JPH1: variants seen among roughly 807,000 people sequenced by gnomAD.
The protein encoded by JPH1 is junctophilin 1.
In JPH1, 12 loss-of-function variants were observed where a neutral mutation model predicts 53.6. The ratio of observed to expected loss-of-function variants is 0.22; its 90% CI spans 0.14 to 0.36. The LOEUF is 0.36. Among genes scored for constraint, JPH1 ranks in the 10% least tolerant of loss-of-function variants. The pLI, the probability that JPH1 is intolerant of heterozygous loss-of-function variation, is 1.00. For missense variants in JPH1, 808 were observed against 905.5 expected (o/e 0.89, Z 1.38); for synonymous variants, 375 against 363.8 (o/e 1.03, Z -0.35).
chr8:74,280,907 G>A (rs1459416264), intron 2 of JPH1, among the ~76,000 whole-genome samples: 1 of 152,150 alleles, frequency 6.6e-6, no homozygotes, highest in African/African-American at 2.4e-5. Context: ...AGTTCTGCAA[G>A]GTTATTATTC....
intron 2 of JPH1, among the ~76,000 whole-genome samples, chr8:74,261,291 C>T (rs28401531): frequency 0.07 from 10,581 of 152,110 alleles, 930 homozygotes; most frequent in African/African-American, 0.2. Context: ...ACACCAAACG[C>T]ACCTCAAAAT....
intron 2 of JPH1, among the ~76,000 whole-genome samples, chr8:74,305,392 T>C (rs574796747): frequency 6.6e-6 from 1 of 152,348 alleles, no homozygotes; most frequent in African/African-American, 2.4e-5. Flanking sequence ...ATACAAAGCA[T>C]ACAGGATAAA....
rs757273194 is a variant in JPH1 at position 74,315,505 on chromosome 8, C to G, written c.495G>C (p.Ser165=). ...IRSPLRTSLA[S]LRSEQSNGSV... is the part of the protein sequence containing the mutation. ...TGCCATTGCTCTGCTCGCTGCGCAG[C>G]GAGGCCAGCGAGGTACGCAGCGGTG... Residue 165 remains serine (S), a synonymous_variant, in exon 2 of 6, where the codon TCG becomes TCC. Transcript: ENST00000342232. The surrounding 1 kb of genome is among the most constrained non-coding windows in gnomAD (Gnocchi z 6.3). The G allele has an allele frequency of 6.2e-7, 1 of 1,605,076 alleles. No homozygotes were observed. The highest frequency in any genetic ancestry group is 8.5e-7 in the Non-Finnish European group (1 of 1,176,910).
chr8:74,284,001 T>C (rs1807090362), intron 2 of JPH1, among the ~76,000 whole-genome samples: 1 of 152,154 alleles, frequency 6.6e-6, no homozygotes, highest in Non-Finnish European at 1.5e-5. Flanking sequence ...ACCCAGGAGA[T>C]TCAAGGGGTG....
Position 74,245,157 on chromosome 8 carries a change from T to C in JPH1, c.1277A>G (p.Gln426Arg), listed in dbSNP as rs1350752917. The C allele has an allele frequency of 2.4e-5, 38 of 1,590,920 alleles. No homozygotes were observed. The highest frequency in any genetic ancestry group is 3.2e-5 in the Non-Finnish European group (37 of 1,173,672). Residue 426 changes from glutamine (Q) to arginine (R), a missense_variant, in exon 4 of 6, where the codon CAG becomes CGG. This residue lies in a region of JPH1 where 756 missense variants were observed against 811.9 expected (regional missense o/e 0.93). Transcript: ENST00000342232. The part of the protein sequence containing the change: ...FYQPGPDYVK[Q>R]RFQEGVDAKE... ...AGCATCTACACCTTCCTGAAATCTCTGTTTGACGTAATCAGGGCCTGGCCA... is the reference window on the plus strand; with the variant it reads ...AGCATCTACACCTTCCTGAAATCTCCGTTTGACGTAATCAGGGCCTGGCCA...
At chr8:74,297,984 T>C (rs1807569935) in intron 2 of JPH1, among the ~76,000 whole-genome samples, 1 of 152,252 alleles carries the variant, frequency 6.6e-6, no homozygotes, top group South Asian at 2.1e-4. Context: ...TCTCTGCTTC[T>C]TTCCACACAC....
intron 3 of JPH1, among the ~76,000 whole-genome samples, chr8:74,254,580 A>T (rs1391889659): frequency 1.3e-5 from 2 of 152,112 alleles, no homozygotes; most frequent in Non-Finnish European, 2.9e-5. Context: ...AGGGCATTCA[A>T]TTAGGAAAAG....
At chr8:74,287,761 C>T (rs561988568) in intron 2 of JPH1, among the ~76,000 whole-genome samples, 43 of 151,688 alleles carry the variant, frequency 2.8e-4, no homozygotes, top group African/African-American at 9.9e-4. Flanking sequence ...CTATACATTT[C>T]ATTCACATCC....
chr8:74,297,528 C>A (rs1202869500), intron 2 of JPH1, among the ~76,000 whole-genome samples: 4 of 152,186 alleles, frequency 2.6e-5, no homozygotes, highest in African/African-American at 9.7e-5. Context: ...CTTTGCCCTA[C>A]CGACTCCATG....
Position 74,321,434 on chromosome 8 carries a change from G to C in JPH1, c.-147C>G. The C allele has an allele frequency of 1.4e-6, 1 of 710,136 alleles. No individual in the cohort carries two copies. Among genetic ancestry groups the C allele is most frequent in the Non-Finnish European group, 2.1e-6 (1 of 486,662 alleles). The allele number at this position is 710,136 out of a possible 1,614,324, so 44.0% of individuals were successfully genotyped here. On this transcript the variant is annotated 5_prime_UTR_variant, in exon 1 of 6. Coordinates refer to ENST00000342232, the MANE Select transcript of JPH1 (RefSeq NM_020647.4). This position sits in a 1 kb window ranked among gnomAD's most constrained non-coding sequence, Gnocchi z 4.3. ...TCGCGCTGCCGCTCGGCTCCAGTCC[G>C]ACGCCGCCCCCGTCCTCCCTCCTCT... is the stretch of plus-strand genomic sequence containing the variant.
chr8:74,294,559 T>C (rs1807446612), intron 2 of JPH1, among the ~76,000 whole-genome samples: 1 of 152,238 alleles, frequency 6.6e-6, no homozygotes. Flanking sequence ...ATTTCTTTTT[T>C]GGTGATGCTC....
At chr8:74,281,594 T>C (rs1456478559) in intron 2 of JPH1, among the ~76,000 whole-genome samples, 3 of 152,282 alleles carry the variant, frequency 2.0e-5, no homozygotes, top group South Asian at 4.2e-4. Flanking sequence ...TGAGAGTCTG[T>C]AAAAGATGCT....
chr8:74,259,460 C>T lies in JPH1; in HGVS notation c.1183G>A (p.Ala395Thr), dbSNP rs777573780. 1.4e-5 allele frequency: 23 copies of T among 1,613,068 alleles called. No homozygotes were observed. Among genetic ancestry groups the T allele is most frequent in the South Asian group, 5.5e-5 (5 of 90,924 alleles). The change falls in exon 3 of 6, where the codon GCG (alanine) becomes ACG (threonine). Residue 395 changes from alanine (A) to threonine (T), a missense_variant. Transcript: ENST00000342232. ...RAKADAADQA[A>T]LAARQECDIA... ...TCGCACTCCTGGCGAGCGGCCAGCGCGGCCTGGTCGGCGGCATCGGCCTTC... is the reference window on the plus strand; with the variant it reads ...TCGCACTCCTGGCGAGCGGCCAGCGTGGCCTGGTCGGCGGCATCGGCCTTC...
intron 3 of JPH1, among the ~76,000 whole-genome samples, chr8:74,254,995 G>A (rs1401909568): frequency 1.3e-5 from 2 of 152,066 alleles, no homozygotes; most frequent in Non-Finnish European, 2.9e-5. Flanking sequence ...ATTCAATGCT[G>A]TCCCCATCAA....
rs114922014 is a variant in JPH1 at position 74,312,019 on chromosome 8, G to C, written c.1139+2842C>G. Reference sequence around the variant, plus strand: ...CTCTAAAATCAGAGCTATTATAAGGGGAATGTCATTCCTTTAACTGCTTCC... The same window carrying C: ...CTCTAAAATCAGAGCTATTATAAGGCGAATGTCATTCCTTTAACTGCTTCC... On this transcript the variant is annotated intron_variant, in intron 2 of 5. Coordinates refer to ENST00000342232, the MANE Select transcript of JPH1 (RefSeq NM_020647.4). 9.1e-3 allele frequency among the ~76,000 whole-genome samples: 1,390 copies of C among 152,104 alleles called. 24 individuals carry two copies. The highest frequency in any genetic ancestry group is 0.025 in the African/African-American group (1,017 of 41,476).
chr8:74,235,377 T>A lies in JPH1; in HGVS notation c.*1674A>T, dbSNP rs1228950788. On this transcript the variant is annotated 3_prime_UTR_variant, in exon 6 of 6. Transcript: ENST00000342232. ...ACCCAGGATTTTCAACATATTGTGC[T>A]TCTGTAAGAAACATCACTGGGTTAC... The A allele has an allele frequency of 6.6e-6, 1 of 152,620 alleles. No individual in the cohort carries two copies. Among genetic ancestry groups the A allele is most frequent in the Non-Finnish European group, 1.5e-5 (1 of 68,034 alleles). 9.5% of individuals were successfully genotyped at this position (152,620 alleles called of 1,614,324 possible).
chr8:74,299,515 G>T (rs1807615568), intron 2 of JPH1, among the ~76,000 whole-genome samples: 1 of 152,200 alleles, frequency 6.6e-6, no homozygotes, highest in Non-Finnish European at 1.5e-5. Context: ...TAGCCAATCA[G>T]CTGTTTCTGT....
At chr8:74,312,616 A>G (rs1454784091) in intron 2 of JPH1, among the ~76,000 whole-genome samples, 2 of 152,188 alleles carry the variant, frequency 1.3e-5, no homozygotes, top group African/African-American at 2.4e-5. Flanking sequence ...GTGCAGATCT[A>G]TAGAATGTAT....
At chr8:74,259,785 G>T (rs1259768577) in intron 2 of JPH1, among the ~76,000 whole-genome samples, 4 of 152,150 alleles carry the variant, frequency 2.6e-5, no homozygotes, top group Non-Finnish European at 5.9e-5. Context: ...AAACTTACTG[G>T]ATCAAATCTC....
Sources: gnomAD v4.1 joint callset for allele counts (sites outside exome capture counted in the v4.1 genomes callset) on GRCh38, gnomAD v4.1.1 for gene constraint, gnomAD v4.1.1 regional missense constraint, Gnocchi (gnomAD v3.1) non-coding constraint, MANE v1.5 for transcripts, NCBI Gene and HGNC (gene_info 2026-07-23, HGNC 2026-07-21) for gene names.